HTRA1: variants seen among roughly 807,000 people sequenced by gnomAD.
The protein encoded by HTRA1 is HtrA serine peptidase 1.
A neutral mutation model predicts 49.7 loss-of-function variants in HTRA1; 26 were observed. The ratio of observed to expected loss-of-function variants is 0.52; its 90% CI spans 0.38 to 0.73. HTRA1 has a LOEUF of 0.73. Ranked by LOEUF, HTRA1 falls within the 30% of genes least tolerant of loss-of-function variation. HTRA1 has a pLI of 0.00. For synonymous variants in HTRA1, 291 were observed against 286.9 expected, an observed-to-expected ratio of 1.01 and a Z score of -0.14; for missense variants, 561 against 667.2, an observed-to-expected ratio of 0.84 and a Z score of 1.75.
At chr10:122,507,553 G>T (rs1265896760) in intron 5 of HTRA1, 151 bp downstream of exon 5, 2 of 707,998 alleles carry the variant, frequency 2.8e-6, no homozygotes, top group Non-Finnish European at 5.1e-6. Flanking sequence ...CTTTAAAATG[G>T]CTCTGTAAAT....
chr10:122,461,965 G>T lies in HTRA1; in HGVS notation c.313G>T (p.Ala105Ser). Reference protein sequence around the residue: ...VPASATVRRRAQAGLCVCASS... With the variant: ...VPASATVRRRSQAGLCVCASS... ...AGCCTCGGCCACGGTGCGGCGGCGC[G>T]CGCAGGCCGGCCTCTGTGTGTGCGC... is the stretch of plus-strand genomic sequence containing the variant. The change falls in exon 1 of 9, where the codon GCG (alanine) becomes TCG (serine). Residue 105 changes from alanine to serine, a missense_variant. This residue lies in a region of HTRA1 where 271 missense variants were observed against 410.0 expected (regional missense o/e 0.66). Coordinates refer to ENST00000368984, the MANE Select transcript of HTRA1 (RefSeq NM_002775.5). The T allele has an allele frequency of 1.3e-6, 2 of 1,503,474 alleles. No individual in the cohort carries two copies. Among genetic ancestry groups the T allele is most frequent in the Non-Finnish European group, 1.8e-6 (2 of 1,133,608 alleles). 93.1% of individuals were successfully genotyped at this position (1,503,474 alleles called of 1,614,324 possible).
intron 1 of HTRA1, among the ~76,000 whole-genome samples, chr10:122,470,920 AAAG>A (rs2097485830): frequency 6.6e-6 from 1 of 152,148 alleles, no homozygotes; most frequent in African/African-American, 2.4e-5. Flanking sequence ...GCTCTTGGCC[AAAG>A]TGACTGAACT....
In HTRA1 at chr10:122,506,394, C is replaced by G. The variant is rs1429781602; in HGVS notation, c.778-297C>G. Among the ~76,000 whole-genome samples, 1 of 152,152 alleles carries G rather than the reference C, an allele frequency of 6.6e-6. No homozygotes were observed. The highest frequency in any genetic ancestry group is 6.5e-5 in the Admixed American group (1 of 15,276). On this transcript the variant is annotated intron_variant, in intron 3 of 8. Transcript: ENST00000368984. The surrounding 1 kb of genome is among the most constrained non-coding windows in gnomAD (Gnocchi z 5.2). ...CAGAGTGAGTCTGTGCTGATAGCTT[C>G]AAGATGTGATGAGACCCCGACTTGG...
chr10:122,485,073 A>G (rs562988781), intron 1 of HTRA1, among the ~76,000 whole-genome samples: 2 of 152,332 alleles, frequency 1.3e-5, no homozygotes, highest in African/African-American at 4.8e-5. Context: ...AGCCCTTTTA[A>G]TGGAACAGGA....
Position 122,462,069 on chromosome 10 carries a change from C to T in HTRA1, c.417C>T (p.Ser139=), listed in dbSNP as rs755925985. 15 of 1,535,976 alleles carry T rather than the reference C, an allele frequency of 9.8e-6. No individual in the cohort carries two copies. Among genetic ancestry groups the T allele is most frequent in the African/African-American group, 1.4e-5 (1 of 72,966 alleles). ...AGCTGCGCGCCGCCAGCCGCCGCTCCGAGAGGCTGCACCGGCCGCCGGTCA... is the reference window on the plus strand; with the variant it reads ...AGCTGCGCGCCGCCAGCCGCCGCTCTGAGAGGCTGCACCGGCCGCCGGTCA... ...LCQLRAASRR[S]ERLHRPPVIV... is the part of the protein sequence containing the mutation. Residue 139 remains serine, a synonymous_variant, in exon 1 of 9, where the codon TCC becomes TCT. Transcript: ENST00000368984.
intron 1 of HTRA1, among the ~76,000 whole-genome samples, chr10:122,465,150 A>C (rs895186865): frequency 6.6e-6 from 1 of 152,182 alleles, no homozygotes; most frequent in Non-Finnish European, 1.5e-5. Flanking sequence ...TAGACCTCAG[A>C]GAACATCTCT....
At chr10:122,473,059 GCTCA>G (rs1361813201) in intron 1 of HTRA1, among the ~76,000 whole-genome samples, 1 of 152,184 alleles carries the variant, frequency 6.6e-6, no homozygotes. Context: ...CAGCCATTCT[GCTCA>G]CTGTTAGATT....
chr10:122,489,057 A>C, intron 2 of HTRA1, 56 bp downstream of exon 2: 1 of 1,199,336 alleles, frequency 8.3e-7, no homozygotes. Flanking sequence ...GCCACTAGCA[A>C]AACATGAGAG....
rs1287521208 is a variant in HTRA1, at chr10:122,496,225, G to GTTTTTTTTTTTTTTTTTTTTT, written c.777+6601_777+6602insTTTTTTTTTTTTTTTTTTTTT. On this transcript the variant is annotated intron_variant, in intron 3 of 8. Coordinates refer to ENST00000368984, the MANE Select transcript of HTRA1 (RefSeq NM_002775.5). ...CCCTTTCGTTTGCCAGAGATTGTGG[G>GTTTTTTTTTTTTTTTTTTTTT]TTCTTTTTTTTTTTTTTTTTTTTTT... Among the ~76,000 whole-genome samples the GTTTTTTTTTTTTTTTTTTTTT allele has an allele frequency of 2.8e-3, 228 of 80,406 alleles. 94 individuals carry two copies. Among genetic ancestry groups the GTTTTTTTTTTTTTTTTTTTTT allele is most frequent in the African/African-American group, 3.8e-3 (74 of 19,658 alleles). 52.7% of individuals were successfully genotyped at this position (80,406 alleles called of 152,430 possible). A position where few individuals can be genotyped will look rare whatever the true frequency, so the allele number is the denominator to read the frequency against.
chr10:122,493,278 C>T (rs1389652945), intron 3 of HTRA1, among the ~76,000 whole-genome samples: 1 of 152,204 alleles, frequency 6.6e-6, no homozygotes, highest in Non-Finnish European at 1.5e-5. Context: ...CTGAAATTCC[C>T]CTCTCCTTGG....
Position 122,511,952 on chromosome 10 carries a change from G to A in HTRA1, c.1179-18G>A, listed in dbSNP as rs2097505851. The A allele has an allele frequency of 6.2e-7, 1 of 1,604,228 alleles. No homozygotes were observed. The highest frequency in any genetic ancestry group is 1.3e-5 in the African/African-American group (1 of 74,822). ...GGTGTTTCTTCACACTAACACGGGT[G>A]CTTTTTCTCTGGAGCAGCAAAGCCA... On this transcript the variant is annotated intron_variant, in intron 7 of 8. Coordinates refer to ENST00000368984, the MANE Select transcript of HTRA1 (RefSeq NM_002775.5).
intron 7 of HTRA1, 149 bp from the exon 8 acceptor site, chr10:122,511,821 G>A: frequency 6.1e-6 from 4 of 658,106 alleles, no homozygotes; most frequent in Non-Finnish European, 1.1e-5. Context: ...TGGTAGACAG[G>A]CAATTTTAAT....
chr10:122,514,246 TC>T lies in HTRA1; in HGVS notation c.1332del (p.Ala445ProfsTer14). The T allele has an allele frequency of 2.5e-6, 4 of 1,614,050 alleles. No individual in the cohort carries two copies. The highest frequency in any genetic ancestry group is 3.4e-6 in the Non-Finnish European group (4 of 1,179,942). On this transcript the variant is annotated frameshift_variant, in exon 9 of 9. Transcript: ENST00000368984. LOFTEE classifies it high-confidence loss of function. ...CAGCATCAATGGACAGTCCGTGGTC[TC>T]CGCCAATGATGTCAGCGACGTCATT... is the stretch of plus-strand genomic sequence containing the variant. ...IISINGQSVV[S>X]ANDVSDVIKR...
rs1198885532 is a variant in HTRA1 at position 122,461,735 on chromosome 10, G to A, written c.83G>A (p.Gly28Asp). The change falls in exon 1 of 9, where the codon GGC (glycine) becomes GAC (aspartate). Residue 28 changes from glycine to aspartate, a missense_variant. Coordinates refer to ENST00000368984, the MANE Select transcript of HTRA1 (RefSeq NM_002775.5). ...GCCTCGGCGCAGCTGTCCCGGGCCGGCCGCTCGGCGCCTTTGGCCGCCGGG... is the reference window on the plus strand; with the variant it reads ...GCCTCGGCGCAGCTGTCCCGGGCCGACCGCTCGGCGCCTTTGGCCGCCGGG... The part of the protein sequence containing the change: ...APASAQLSRA[G>D]RSAPLAAGCP... The A allele has an allele frequency of 8.6e-7, 1 of 1,157,078 alleles. No individual in the cohort carries two copies. The allele number at this position is 1,157,078 out of a possible 1,614,324, so 71.7% of individuals were successfully genotyped here. A position where few individuals can be genotyped will look rare whatever the true frequency, so the allele number is the denominator to read the frequency against.
At chr10:122,502,217 C>T (rs1225247917) in intron 3 of HTRA1, among the ~76,000 whole-genome samples, 1 of 152,112 alleles carries the variant, frequency 6.6e-6, no homozygotes, top group African/African-American at 2.4e-5. Flanking sequence ...ATGTTCCCTG[C>T]ACCAAGCTCA....
In HTRA1 at chr10:122,464,934, C is replaced by T. The variant is rs760707781; in HGVS notation, c.472+2810C>T. Among the ~76,000 whole-genome samples, 14 of 152,136 alleles carry T rather than the reference C, an allele frequency of 9.2e-5. No homozygotes were observed. Among genetic ancestry groups the T allele is most frequent in the African/African-American group, 2.4e-4 (10 of 41,426 alleles). ...TACACGGATCTGGAGACAGAGCTCT[C>T]GAGGCAGGAGCGGGTGCTGCGATTT... On this transcript the variant is annotated intron_variant, in intron 1 of 8. Transcript: ENST00000368984. This position sits in a 1 kb window ranked among gnomAD's most constrained non-coding sequence, Gnocchi z 4.8.
intron 1 of HTRA1, among the ~76,000 whole-genome samples, chr10:122,485,399 G>A: frequency 6.6e-6 from 1 of 152,186 alleles, no homozygotes; most frequent in East Asian, 1.9e-4. Context: ...AGAATTTGGA[G>A]AGTCCTGGAC....
In HTRA1 at chr10:122,514,339, C is replaced by A; in HGVS notation, c.1423C>A (p.Pro475Thr). The change falls in exon 9 of 9, where the codon CCC becomes ACC. Residue 475 changes from proline (P) to threonine (T), a missense_variant. Physicochemically the swap from Pro to Thr is conservative, Grantham distance 38. Around this residue, in one of 3 missense-constraint regions of HTRA1, gnomAD observed 179 missense variants for 173.4 expected, o/e 1.03. Transcript: ENST00000368984. ...GNEDIMITVI[P>T]EEIDP ...TGAAGATATCATGATCACAGTGATT[C>A]CCGAAGAAATTGACCCATAGGCAGA... 6.2e-7 allele frequency: 1 copy of A among 1,614,056 alleles called. No homozygotes were observed. Among genetic ancestry groups the A allele is most frequent in the Non-Finnish European group, 8.5e-7 (1 of 1,179,988 alleles).
chr10:122,502,904 T>A (rs1051929524), intron 3 of HTRA1, among the ~76,000 whole-genome samples: 1 of 152,200 alleles, frequency 6.6e-6, no homozygotes, highest in African/African-American at 2.4e-5. Flanking sequence ...AGTGTGAGGA[T>A]CTGGCATGAG....
Sources: gnomAD v4.1 joint callset for allele counts (sites outside exome capture counted in the v4.1 genomes callset) on GRCh38, gnomAD v4.1.1 for gene constraint, gnomAD v4.1.1 regional missense constraint, Gnocchi (gnomAD v3.1) non-coding constraint, MANE v1.5 for transcripts, NCBI Gene and HGNC (gene_info 2026-07-23, HGNC 2026-07-21) for gene names.